The following ZNF625 variants were observed in gnomAD, a reference collection of about 807,000 sequenced individuals.
ZNF625 encodes the protein zinc finger protein 625.
In ZNF625, 8 loss-of-function variants were observed where a neutral mutation model predicts 11.1. That is an observed-to-expected ratio of 0.72 (90% CI 0.42 to 1.30). ZNF625 has a LOEUF of 1.30. ZNF625 is among the 50% of genes most tolerant of loss of function. ZNF625 has a pLI of 0.01. For missense variants in ZNF625, 349 were observed against 447.6 expected (o/e 0.78, Z 1.99); for synonymous variants, 145 against 153.4 (o/e 0.95, Z 0.41).
intron 1 of ZNF625, among the ~76,000 whole-genome samples, chr19:12,150,082 G>A (rs1409902424): frequency 3.3e-5 from 5 of 152,262 alleles, no homozygotes; most frequent in Admixed American, 2.0e-4. Context: ...TGGTTATTGA[G>A]TGCTTTCCTC....
intron 1 of ZNF625, among the ~76,000 whole-genome samples, chr19:12,151,377 A>ATTT (rs35302529): frequency 1.8e-4 from 20 of 111,670 alleles, no homozygotes; most frequent in African/African-American, 5.0e-4. Flanking sequence ...CACCTGGGTA[A>ATTT]TTTTTTTTTT....
rs934558893 is a variant in ZNF625, at chr19:12,146,970, A to AT, written c.191+424dup. Among the ~76,000 whole-genome samples the AT allele has an allele frequency of 1.4e-3, 178 of 130,806 alleles. 8 individuals carry two copies. Among genetic ancestry groups the AT allele is most frequent in the Middle Eastern group, 7.9e-3 (2 of 252 alleles). 85.8% of individuals were successfully genotyped at this position (130,806 alleles called of 152,430 possible). On this transcript the variant is annotated intron_variant, in intron 3 of 3. Coordinates refer to ENST00000439556, the MANE Select transcript of ZNF625 (RefSeq NM_145233.4). ...CACACTTAAATATATGTTTTTAGAGATTTTTTTTTTTTTTGAGACGGAGTC... is the reference window on the plus strand; with the variant it reads ...CACACTTAAATATATGTTTTTAGAGATTTTTTTTTTTTTTTGAGACGGAGTC...
At chr19:12,153,461 G>A (rs974277925) in intron 1 of ZNF625, among the ~76,000 whole-genome samples, 5 of 151,928 alleles carry the variant, frequency 3.3e-5, no homozygotes, top group East Asian at 1.9e-4. Context: ...AAGGCGGGTG[G>A]ATCACCTGAG....
chr19:12,149,515 A>C (rs1305286168), intron 1 of ZNF625, among the ~76,000 whole-genome samples: 1 of 152,146 alleles, frequency 6.6e-6, no homozygotes, highest in Non-Finnish European at 1.5e-5. Flanking sequence ...AGTATGATTA[A>C]AGTTATGTAG....
chr19:12,148,795 AT>A (rs904272825), intron 1 of ZNF625, among the ~76,000 whole-genome samples: 11 of 150,314 alleles, frequency 7.3e-5, no homozygotes, highest in Admixed American at 6.6e-4. Context: ...TAATTTTTGT[AT>A]TTTTTTTAGT....
chr19:12,152,521 A>G (rs1445079747), intron 1 of ZNF625, among the ~76,000 whole-genome samples: 3 of 152,076 alleles, frequency 2.0e-5, no homozygotes, highest in Non-Finnish European at 4.4e-5. Flanking sequence ...CAGAAAAAGC[A>G]TATGACAAAC....
At chr19:12,146,325 G>T in intron 3 of ZNF625, 101 bp from the exon 4 acceptor site, 1 of 1,126,494 alleles carries the variant, frequency 8.9e-7, no homozygotes, top group Non-Finnish European at 1.3e-6. Flanking sequence ...GTACAGCAAT[G>T]TGTAGGCTTT....
At chr19:12,151,234 CAG>C (rs1976950967) in intron 1 of ZNF625, among the ~76,000 whole-genome samples, 1 of 144,766 alleles carries the variant, frequency 6.9e-6, no homozygotes, top group Admixed American at 7.0e-5. Flanking sequence ...TTGTCTGAGA[CAG>C]AGTCTCACTC....
At chr19:12,153,473 T>C (rs1385013940) in intron 1 of ZNF625, among the ~76,000 whole-genome samples, 2 of 151,556 alleles carry the variant, frequency 1.3e-5, no homozygotes, top group Non-Finnish European at 2.9e-5. Context: ...TCACCTGAGG[T>C]CAGGAGTTCA....
intron 2 of ZNF625, 75 bp from the exon 3 acceptor site, chr19:12,147,530 T>C (rs187186675): frequency 2.0e-6 from 3 of 1,518,480 alleles, no homozygotes; most frequent in Middle Eastern, 1.7e-4. Context: ...AAGTTCATGG[T>C]ACACTGCAGC....
chr19:12,147,605 C>T, intron 2 of ZNF625, 71 bp downstream of exon 2: 2 of 1,607,882 alleles, frequency 1.2e-6, no homozygotes, highest in African/African-American at 1.3e-5. Context: ...CTCCAAATCA[C>T]TCAACACTAC....
At chr19:12,155,240 C>T (rs912916319) in intron 1 of ZNF625, among the ~76,000 whole-genome samples, 1 of 147,384 alleles carries the variant, frequency 6.8e-6, no homozygotes, top group African/African-American at 2.5e-5. Context: ...AAAAAAAAAC[C>T]TGCAAAGAAA....
At chr19:12,154,056 C>T (rs1456662517) in intron 1 of ZNF625, among the ~76,000 whole-genome samples, 1 of 152,102 alleles carries the variant, frequency 6.6e-6, no homozygotes, top group African/African-American at 2.4e-5. Context: ...ATCCACCCGC[C>T]TCAGCCTCCC....
intron 2 of ZNF625, 85 bp from the exon 3 acceptor site, chr19:12,147,540 C>G (rs1976894509): frequency 6.5e-7 from 1 of 1,528,858 alleles, no homozygotes; most frequent in Admixed American, 2.0e-5. Context: ...TACACTGCAG[C>G]CTTGCAGCAT....
chr19:12,149,263 G>A (rs958192046), intron 1 of ZNF625, among the ~76,000 whole-genome samples: 1 of 125,004 alleles, frequency 8.0e-6, no homozygotes, highest in African/African-American at 3.3e-5. Flanking sequence ...CCAGCCTGGC[G>A]ACAGAGCAAG....
chr19:12,148,299 T>C (rs1976905549), intron 1 of ZNF625, among the ~76,000 whole-genome samples: 1 of 151,934 alleles, frequency 6.6e-6, no homozygotes, highest in Non-Finnish European at 1.5e-5. Flanking sequence ...CCAATCTGAC[T>C]GATAAGAGTC....
intron 1 of ZNF625, among the ~76,000 whole-genome samples, chr19:12,153,683 CA>C (rs71166658): frequency 2.3e-3 from 275 of 121,758 alleles, no homozygotes; most frequent in Middle Eastern, 0.014. Context: ...GTCTCTGTGT[CA>C]AAAAAAAAAA....
intron 3 of ZNF625, 37 bp from the exon 4 acceptor site, chr19:12,146,261 T>G: frequency 6.4e-7 from 1 of 1,557,264 alleles, no homozygotes; most frequent in Admixed American, 1.8e-5. Flanking sequence ...ATGGGTTCCT[T>G]TATCACTGAT....
intron 1 of ZNF625, among the ~76,000 whole-genome samples, chr19:12,155,760 A>G (rs1439477254): frequency 6.6e-6 from 1 of 152,196 alleles, no homozygotes. Flanking sequence ...CTCATTCAGG[A>G]AACATTTCTC....
Sources: allele counts gnomAD v4.1 joint callset (sites outside exome capture counted in the v4.1 genomes callset), GRCh38; gene constraint gnomAD v4.1.1; transcripts MANE v1.5; gene names NCBI Gene and HGNC (gene_info 2026-07-23, HGNC 2026-07-21).